Variants in COL19A1 observed in about 807,000 individuals in gnomAD.
COL19A1 encodes the protein collagen alpha-1(XIX) chain.
A neutral mutation model predicts 190.2 loss-of-function variants in COL19A1; 159 were observed. The observed-to-expected ratio is 0.84, with a 90% CI of 0.73 to 0.95. The LOEUF (loss-of-function observed/expected upper bound fraction) is 0.95. Among genes scored for constraint, COL19A1 ranks in the 40% least tolerant of loss-of-function variants. The pLI is 0.00. For synonymous variants in COL19A1, 509 were observed against 458.9 expected (o/e 1.11, Z -1.39); for missense variants, 1,418 against 1,431.9 (o/e 0.99, Z 0.16).
chr6:70,080,246 A>G (rs978694282), intron 15 of COL19A1, among the ~76,000 whole-genome samples: 12 of 152,232 alleles, frequency 7.9e-5, no homozygotes, highest in Non-Finnish European at 1.2e-4. Flanking sequence ...AGATACACCT[A>G]CTACTTTCTT....
chr6:70,117,747 C>T (rs1784662953), intron 16 of COL19A1, among the ~76,000 whole-genome samples: 1 of 152,202 alleles, frequency 6.6e-6, no homozygotes, highest in Non-Finnish European at 1.5e-5. Flanking sequence ...ATCCAGATGT[C>T]CTATATCTCC....
At chr6:69,959,973 A>T in intron 9 of COL19A1, 23 bp from the exon 10 acceptor site, 3 of 1,609,802 alleles carry the variant, frequency 1.9e-6, no homozygotes, top group Non-Finnish European at 2.5e-6. Context: ...GATCATAAAC[A>T]TTATTCTGTG....
At chr6:70,111,468 A>G (rs1399993064) in intron 16 of COL19A1, among the ~76,000 whole-genome samples, 2 of 152,190 alleles carry the variant, frequency 1.3e-5, no homozygotes, top group Non-Finnish European at 2.9e-5. Flanking sequence ...AAAATTGTTA[A>G]TATTTGACAA....
intron 2 of COL19A1, among the ~76,000 whole-genome samples, chr6:69,882,318 C>A (rs1768617184): frequency 6.6e-6 from 1 of 152,136 alleles, no homozygotes; most frequent in African/African-American, 2.4e-5. Flanking sequence ...CTATTGAGAT[C>A]ATGGGATAAG....
chr6:70,151,025 C>T (rs115446936), intron 30 of COL19A1, among the ~76,000 whole-genome samples: 20 of 152,182 alleles, frequency 1.3e-4, no homozygotes, highest in African/African-American at 3.6e-4. Context: ...ATAGTGTGTT[C>T]GCCAGAGGAA....
intron 11 of COL19A1, among the ~76,000 whole-genome samples, chr6:69,974,690 T>C (rs1775610445): frequency 6.6e-6 from 1 of 152,184 alleles, no homozygotes; most frequent in African/African-American, 2.4e-5. Context: ...TTGTTCCGTA[T>C]TATTTTGACC....
At chr6:70,140,255 G>A (rs915911791) in intron 19 of COL19A1, among the ~76,000 whole-genome samples, 5 of 151,668 alleles carry the variant, frequency 3.3e-5, no homozygotes, top group Non-Finnish European at 7.4e-5. Context: ...GCATTCTCCT[G>A]TATACTTCAA....
chr6:70,125,100 G>GATTGTTTCAT (rs201067355), intron 17 of COL19A1, among the ~76,000 whole-genome samples: 1 of 93,564 alleles, frequency 1.1e-5, no homozygotes, highest in African/African-American at 3.9e-5. Context: ...TGGACACTGA[G>GATTGTTTCAT]ATTGCAATTT....
At chr6:70,184,529 A>T (rs2150290310) in intron 44 of COL19A1, among the ~76,000 whole-genome samples, 174 bp from the exon 45 acceptor site, 2 of 152,310 alleles carry the variant, frequency 1.3e-5, no homozygotes, top group Middle Eastern at 6.8e-3. Flanking sequence ...ACAGTGTCAG[A>T]ATCCGAACTC....
At chr6:70,135,914 G>T (rs907346301) in intron 18 of COL19A1, among the ~76,000 whole-genome samples, 2 of 152,146 alleles carry the variant, frequency 1.3e-5, no homozygotes, top group Non-Finnish European at 2.9e-5. Flanking sequence ...CACCCAGGGG[G>T]TGGAATTGTT....
At chr6:70,161,310 T>C (rs1583057061) in intron 34 of COL19A1, among the ~76,000 whole-genome samples, 1 of 152,206 alleles carries the variant, frequency 6.6e-6, no homozygotes, top group East Asian at 1.9e-4. Context: ...ATTCTGCCAA[T>C]CTAAAATTTG....
chr6:70,131,645 A>G (rs1204664951), intron 18 of COL19A1, among the ~76,000 whole-genome samples: 1 of 152,098 alleles, frequency 6.6e-6, no homozygotes, highest in Non-Finnish European at 1.5e-5. Context: ...TTAAGCAATG[A>G]CTTCTGGACA....
chr6:70,063,064 C>T (rs1199112152), intron 14 of COL19A1, among the ~76,000 whole-genome samples: 3 of 152,110 alleles, frequency 2.0e-5, no homozygotes, highest in Non-Finnish European at 2.9e-5. Context: ...CAACATTAGA[C>T]AGATGAATGA....
intron 9 of COL19A1, among the ~76,000 whole-genome samples, chr6:69,947,735 A>G (rs1405951112): frequency 6.6e-6 from 1 of 151,856 alleles, no homozygotes; most frequent in Non-Finnish European, 1.5e-5. Flanking sequence ...AGGTTTTCAG[A>G]CAGATATTTT....
At position 70,035,936 on chromosome 6, in the gene COL19A1, A is replaced by G; in HGVS notation, c.1167A>G (p.Leu389=). Residue 389 remains leucine (L), a synonymous_variant, in exon 14 of 51, where the codon TTA becomes TTG. Coordinates refer to ENST00000620364, the MANE Select transcript of COL19A1 (RefSeq NM_001858.6). ...CAGGACCCCCAGGACCACCAGCCTT[A>G]CCTGTAAGTATTCTTGAAATCAAAA... The part of the protein sequence containing the change: ...GDTGPPGPPA[L]PGSLGIQGPQ... The G allele has an allele frequency of 1.2e-6, 2 of 1,613,374 alleles. No individual in the cohort carries two copies. The highest frequency in any genetic ancestry group is 1.7e-6 in the Non-Finnish European group (2 of 1,179,370).
At chr6:69,931,213 T>A (rs1215658524) in intron 6 of COL19A1, among the ~76,000 whole-genome samples, 1 of 152,138 alleles carries the variant, frequency 6.6e-6, no homozygotes, top group Non-Finnish European at 1.5e-5. Context: ...TGTATTTTTG[T>A]GAGAAAGTGA....
chr6:70,089,246 G>GT (rs1213187810), intron 15 of COL19A1, among the ~76,000 whole-genome samples: 2 of 152,052 alleles, frequency 1.3e-5, no homozygotes, highest in East Asian at 1.9e-4. Flanking sequence ...TAAATGTATA[G>GT]TTTTTTCTCA....
At chr6:70,057,687 G>A (rs1178114230) in intron 14 of COL19A1, among the ~76,000 whole-genome samples, 1 of 151,998 alleles carries the variant, frequency 6.6e-6, no homozygotes, top group Admixed American at 6.6e-5. Flanking sequence ...TTAATGAAGG[G>A]CAAACTCCTC....
chr6:69,985,707 A>G (rs1776274250), intron 11 of COL19A1, among the ~76,000 whole-genome samples: 1 of 152,158 alleles, frequency 6.6e-6, no homozygotes, highest in African/African-American at 2.4e-5. Context: ...TCCTTATTTC[A>G]AAACTTTGCT....
Sources: allele counts gnomAD v4.1 joint callset (sites outside exome capture counted in the v4.1 genomes callset), GRCh38; gene constraint gnomAD v4.1.1; transcripts MANE v1.5; gene names NCBI Gene and HGNC (gene_info 2026-07-23, HGNC 2026-07-21).